GPHN: variants seen among roughly 807,000 people sequenced by gnomAD.
The protein encoded by GPHN is gephyrin.
In GPHN, 17 loss-of-function variants were observed where a neutral mutation model predicts 95.5. That is an observed-to-expected ratio of 0.18 (90% CI 0.12 to 0.27). The LOEUF (loss-of-function observed/expected upper bound fraction) is 0.27, where lower values mean the gene tolerates loss of function less well. GPHN is among the 10% of genes least tolerant of loss of function. The pLI is 1.00. For synonymous variants in GPHN, 320 were observed against 322.5 expected, an observed-to-expected ratio of 0.99 and a Z score of 0.08; for missense variants, 660 against 978.1, an observed-to-expected ratio of 0.67 and a Z score of 4.34.
chr14:67,293,489 A>G, the GPHN span, among the ~76,000 whole-genome samples: 1 of 152,216 alleles, frequency 6.6e-6, no homozygotes, highest in South Asian at 2.1e-4. Context: ...TACAGAACCT[A>G]TAAAATAGGT....
chr14:66,864,769 T>C (rs978632691), intron 4 of GPHN, among the ~76,000 whole-genome samples: 5 of 143,996 alleles, frequency 3.5e-5, no homozygotes, highest in Admixed American at 3.4e-4. Flanking sequence ...CGAGACTCTG[T>C]CTCAAAAAAA....
chr14:67,308,388 A>G, the GPHN span, among the ~76,000 whole-genome samples: 2 of 149,862 alleles, frequency 1.3e-5, no homozygotes, highest in Non-Finnish European at 3.0e-5. Context: ...CTTCATGAGT[A>G]CTAACCTTTC....
At chr14:67,246,708 T>A in the GPHN span, among the ~76,000 whole-genome samples, 2 of 144,198 alleles carry the variant, frequency 1.4e-5, no homozygotes, top group Admixed American at 1.5e-4. Context: ...TGGAGTGCAG[T>A]GGCACGATAT....
intron 11 of GPHN, among the ~76,000 whole-genome samples, chr14:67,070,217 C>T (rs983590415): frequency 1.3e-5 from 2 of 151,746 alleles, no homozygotes; most frequent in Non-Finnish European, 2.9e-5. Flanking sequence ...CCTTTATACT[C>T]CCTGCATTCT....
At chr14:67,338,333 T>C in the GPHN span, 1 of 257,988 alleles carries the variant, frequency 3.9e-6, no homozygotes, top group African/African-American at 2.2e-5. Flanking sequence ...CTAATATGCT[T>C]GGTAAGCAGA....
chr14:67,722,784 A>G, the GPHN span: 2 of 1,247,786 alleles, frequency 1.6e-6, no homozygotes, highest in African/African-American at 3.0e-5. Flanking sequence ...AGCTGCTGAA[A>G]GAAGAGAAAG....
At chr14:66,861,972 A>G (rs1477542149) in intron 4 of GPHN, among the ~76,000 whole-genome samples, 3 of 152,064 alleles carry the variant, frequency 2.0e-5, no homozygotes, top group South Asian at 4.1e-4. Context: ...GTAGTAGAGG[A>G]AAAGAAAGAA....
chr14:67,725,334 T>C, the GPHN span: 2 of 1,435,606 alleles, frequency 1.4e-6, no homozygotes, highest in Non-Finnish European at 1.9e-6. Flanking sequence ...TCTATGGCCC[T>C]TACATCAGAA....
chr14:67,685,122 C>T, the GPHN span: 66 of 1,614,068 alleles, frequency 4.1e-5, no homozygotes, highest in Middle Eastern at 4.9e-4. Flanking sequence ...AAAGCCACCA[C>T]ATCCATCTCA....
At chr14:66,794,146 T>C (rs1231396796) in intron 3 of GPHN, among the ~76,000 whole-genome samples, 1 of 152,148 alleles carries the variant, frequency 6.6e-6, no homozygotes, top group Admixed American at 6.6e-5. Context: ...AACTCTCATG[T>C]TCAGTGTTGG....
chr14:66,804,816 A>G (rs185660014), intron 3 of GPHN, among the ~76,000 whole-genome samples: 1 of 152,332 alleles, frequency 6.6e-6, no homozygotes, highest in Admixed American at 6.5e-5. Flanking sequence ...TCCACTTGTT[A>G]CAGTAAAAGT....
chr14:66,970,064 T>C (rs2069641564), intron 9 of GPHN, among the ~76,000 whole-genome samples: 1 of 151,220 alleles, frequency 6.6e-6, no homozygotes, highest in Non-Finnish European at 1.5e-5. Context: ...AATTTTGTGC[T>C]TAGAATAACC....
the GPHN span, among the ~76,000 whole-genome samples, chr14:67,234,769 C>T: frequency 7.5e-5 from 11 of 147,306 alleles, no homozygotes; most frequent in African/African-American, 2.2e-4. Context: ...AGGCTGGTCT[C>T]GAACTCCTGA....
At chr14:67,291,925 A>G in the GPHN span, among the ~76,000 whole-genome samples, 4 of 152,322 alleles carry the variant, frequency 2.6e-5, no homozygotes, top group East Asian at 5.8e-4. Flanking sequence ...TAAAAGTTCT[A>G]TTTCTGGGAC....
At chr14:67,346,738 A>G in the GPHN span, among the ~76,000 whole-genome samples, 1 of 152,232 alleles carries the variant, frequency 6.6e-6, no homozygotes, top group Non-Finnish European at 1.5e-5. Context: ...AAAATCTAGA[A>G]AGAATCAGCA....
the GPHN span, among the ~76,000 whole-genome samples, chr14:67,293,424 T>G: frequency 6.6e-6 from 1 of 152,132 alleles, no homozygotes; most frequent in African/African-American, 2.4e-5. Flanking sequence ...ATGTATTTCA[T>G]TGAATGCCAA....
chr14:66,707,849 G>A (rs1269693077), intron 2 of GPHN, among the ~76,000 whole-genome samples: 2 of 152,240 alleles, frequency 1.3e-5, no homozygotes, highest in Non-Finnish European at 2.9e-5. Flanking sequence ...ATGTTTCAAT[G>A]TAGGTATACA....
At chr14:67,095,896 T>A (rs1217305546) in intron 12 of GPHN, among the ~76,000 whole-genome samples, 1 of 147,830 alleles carries the variant, frequency 6.8e-6, no homozygotes, top group African/African-American at 2.5e-5. Flanking sequence ...AACCGGCACA[T>A]TGTGCACATG....
intron 11 of GPHN, among the ~76,000 whole-genome samples, chr14:67,071,654 T>G (rs1019216029): frequency 6.6e-6 from 1 of 151,970 alleles, no homozygotes; most frequent in Admixed American, 6.6e-5. Context: ...TAAATTTAAA[T>G]TTAAAAAAAA....
Sources: gnomAD v4.1 joint callset for allele counts (sites outside exome capture counted in the v4.1 genomes callset) on GRCh38, gnomAD v4.1.1 for gene constraint, MANE v1.5 for transcripts, NCBI Gene and HGNC (gene_info 2026-07-23, HGNC 2026-07-21) for gene names.